Variants in ZMYM2 observed in about 807,000 individuals in gnomAD.
The protein encoded by ZMYM2 is zinc finger MYM-type containing 2, also known as zinc finger MYM-type protein 2.
A neutral mutation model predicts 162.8 loss-of-function variants in ZMYM2; 56 were observed. That is an observed-to-expected ratio of 0.34 (90% CI 0.28 to 0.43). ZMYM2 has a LOEUF of 0.43. Ranked by LOEUF, ZMYM2 falls within the 20% of genes least tolerant of loss-of-function variation. ZMYM2 has a pLI of 1.00. For missense variants in ZMYM2, 1,275 were observed against 1,621.8 expected, an observed-to-expected ratio of 0.79 and a Z score of 3.67; for synonymous variants, 510 against 541.6, an observed-to-expected ratio of 0.94 and a Z score of 0.81.
the ZMYM2 span, among the ~76,000 whole-genome samples, chr13:19,901,535 C>T: frequency 6.6e-6 from 1 of 151,784 alleles, no homozygotes; most frequent in Non-Finnish European, 1.5e-5. Context: ...CTGGCTCTGT[C>T]GCCCAGTGGC....
intron 9 of ZMYM2, among the ~76,000 whole-genome samples, chr13:20,028,490 C>G (rs1401015701): frequency 1.3e-5 from 2 of 152,026 alleles, no homozygotes; most frequent in African/African-American, 4.8e-5. Context: ...CTTGTATCAC[C>G]CATGATTTGA....
At chr13:19,956,308 T>C (rs1397923498), upstream of ZMYM2, among the ~76,000 whole-genome samples, 1 of 152,236 alleles carries the variant, frequency 6.6e-6, no homozygotes. Flanking sequence ...TGTTGTAGTG[T>C]ATATCAGAAC....
At chr13:19,899,926 TG>T in the ZMYM2 span, among the ~76,000 whole-genome samples, 1 of 150,760 alleles carries the variant, frequency 6.6e-6, no homozygotes, top group African/African-American at 2.4e-5. Context: ...ACATTGACTC[TG>T]AAAAAAAAAG....
chr13:19,908,900 A>G, the ZMYM2 span, among the ~76,000 whole-genome samples: 1 of 152,180 alleles, frequency 6.6e-6, no homozygotes, highest in African/African-American at 2.4e-5. Flanking sequence ...GTTATTACAG[A>G]AAGCTTTGAC....
At chr13:19,949,358 G>A in the ZMYM2 span, among the ~76,000 whole-genome samples, 1 of 152,136 alleles carries the variant, frequency 6.6e-6, no homozygotes, top group African/African-American at 2.4e-5. Flanking sequence ...AGGTTGCTGT[G>A]AGCCGAGATC....
chr13:20,021,381 T>C (rs1952087784), intron 7 of ZMYM2, among the ~76,000 whole-genome samples: 1 of 151,704 alleles, frequency 6.6e-6, no homozygotes, highest in Non-Finnish European at 1.5e-5. Flanking sequence ...TTTTTTTTTT[T>C]TTGACAAAAT....
chr13:19,965,513 T>TCCC (rs1955671283), intron 2 of ZMYM2, among the ~76,000 whole-genome samples: 1 of 152,238 alleles, frequency 6.6e-6, no homozygotes, highest in African/African-American at 2.4e-5. Context: ...TATTAGATAG[T>TCCC]CATAAAATAT....
chr13:19,886,162 CT>C, the ZMYM2 span, among the ~76,000 whole-genome samples: 38 of 98,448 alleles, frequency 3.9e-4, no homozygotes, highest in African/African-American at 5.2e-4. Flanking sequence ...TTCTTTCTTT[CT>C]TTTTTTTTTT....
rs554079626 is a variant in ZMYM2 at position 20,066,011 on chromosome 13, C to T, written c.3133-840C>T. On this transcript the variant is annotated intron_variant, in intron 19 of 24. Coordinates refer to ENST00000610343, the MANE Select transcript of ZMYM2 (RefSeq NM_197968.4). ...GTTTATTGTCTTATATTTATTTTCTCATCATTGGTGACTCTCACCACAGAA... is the reference window on the plus strand; with the variant it reads ...GTTTATTGTCTTATATTTATTTTCTTATCATTGGTGACTCTCACCACAGAA... Among the ~76,000 whole-genome samples, 6 of 152,282 alleles carry T rather than the reference C, an allele frequency of 3.9e-5. No homozygotes were observed. In the South Asian group the frequency reaches 1.2e-3, roughly 32 times the overall value.
At chr13:20,061,416 G>A (rs1325675191) in intron 17 of ZMYM2, among the ~76,000 whole-genome samples, 192 bp downstream of exon 17, 5 of 152,134 alleles carry the variant, frequency 3.3e-5, no homozygotes, top group Admixed American at 2.0e-4. Flanking sequence ...ACAGATATCC[G>A]AAGCAGGAAT....
At chr13:19,909,135 T>C in the ZMYM2 span, among the ~76,000 whole-genome samples, 3 of 152,240 alleles carry the variant, frequency 2.0e-5, no homozygotes, top group Non-Finnish European at 2.9e-5. Context: ...CTGGATTTTA[T>C]GTTTATATAA....
intron 2 of ZMYM2, among the ~76,000 whole-genome samples, chr13:19,971,340 G>T (rs59270756): frequency 0.026 from 3,636 of 139,802 alleles, 106 homozygotes; most frequent in East Asian, 0.13. Context: ...GTGTGATCTC[G>T]GCTCACCACC....
chr13:19,988,887 T>G (rs980004541), intron 2 of ZMYM2, among the ~76,000 whole-genome samples: 1 of 152,246 alleles, frequency 6.6e-6, no homozygotes, highest in South Asian at 2.1e-4. Flanking sequence ...ATCTGGAGAT[T>G]GCATCTTTGA....
At chr13:20,067,737 A>G (rs1956789141) in intron 21 of ZMYM2, among the ~76,000 whole-genome samples, 1 of 152,194 alleles carries the variant, frequency 6.6e-6, no homozygotes, top group Admixed American at 6.5e-5. Flanking sequence ...ACTACTCATT[A>G]ATTCTTTGGC....
the ZMYM2 span, among the ~76,000 whole-genome samples, chr13:19,935,405 G>A: frequency 6.7e-6 from 1 of 150,234 alleles, no homozygotes; most frequent in South Asian, 2.1e-4. Context: ...CCAAAGTGTT[G>A]GGATTACAGG....
At chr13:20,055,205 T>G (rs757019598) in intron 14 of ZMYM2, among the ~76,000 whole-genome samples, 2 of 152,142 alleles carry the variant, frequency 1.3e-5, no homozygotes, top group Non-Finnish European at 2.9e-5. Context: ...TACTGAGAGA[T>G]AATTGTGCAG....
At chr13:19,891,455 G>GTT in the ZMYM2 span, among the ~76,000 whole-genome samples, 4 of 144,158 alleles carry the variant, frequency 2.8e-5, no homozygotes, top group Admixed American at 1.4e-4. Flanking sequence ...CCGTGTGACA[G>GTT]TTTTTTTTTT....
chr13:19,992,189 A>AT (rs71070284), intron 2 of ZMYM2, among the ~76,000 whole-genome samples: 104,913 of 152,026 alleles, frequency 0.69, 41,289 homozygotes, highest in Non-Finnish European at 0.86. Flanking sequence ...GTCAAAAAAG[A>AT]TTAAAATTTT....
chr13:19,925,944 A>G, the ZMYM2 span, among the ~76,000 whole-genome samples: 1 of 151,556 alleles, frequency 6.6e-6, no homozygotes, highest in African/African-American at 2.4e-5. Flanking sequence ...TTTCTGCACA[A>G]ATTTGTAGAA....
Sources: allele counts gnomAD v4.1 joint callset (sites outside exome capture counted in the v4.1 genomes callset), GRCh38; gene constraint gnomAD v4.1.1; transcripts MANE v1.5; gene names NCBI Gene and HGNC (gene_info 2026-07-23, HGNC 2026-07-21).